The following DCX variants were observed in gnomAD, a reference collection of about 807,000 sequenced individuals.
The protein encoded by DCX is neuronal migration protein doublecortin.
In DCX, 4 loss-of-function variants were observed where a neutral mutation model predicts 20.9. The observed-to-expected ratio is 0.19, with a 90% CI of 0.09 to 0.44. The LOEUF is 0.44. Among genes scored for constraint, DCX ranks in the 20% least tolerant of loss-of-function variants. DCX has a pLI of 0.99. For synonymous variants in DCX, 103 were observed against 111.4 expected (o/e 0.92, Z 0.47); for missense variants, 133 against 296.9 (o/e 0.45, Z 4.06).
intron 3 of DCX, among the ~76,000 whole-genome samples, chrX:111,391,298 C>G (rs1238542097): frequency 9.0e-6 from 1 of 111,217 alleles, no homozygotes; most frequent in Admixed American, 9.6e-5. Context: ...TCCTCTTCAC[C>G]TTCTGTCATG....
intron 2 of DCX, among the ~76,000 whole-genome samples, chrX:111,401,839 G>T (rs1327494414): frequency 8.9e-6 from 1 of 112,243 alleles, no homozygotes. Context: ...AAGTAACCTT[G>T]TATATCAGGC....
intron 3 of DCX, among the ~76,000 whole-genome samples, chrX:111,397,347 C>T (rs765898587): frequency 1.7e-4 from 19 of 111,680 alleles, no homozygotes; most frequent in Admixed American, 1.6e-3. Flanking sequence ...CCTTGTGTCA[C>T]GTATAGCCAA....
chrX:111,369,111 G>A (rs1376714692), intron 3 of DCX, among the ~76,000 whole-genome samples: 2 of 110,714 alleles, frequency 1.8e-5, no homozygotes, highest in Non-Finnish European at 3.8e-5. Context: ...GGCTAGGCCA[G>A]TCTCGTCTTT....
At chrX:111,303,227 A>C (rs1039175987) in intron 6 of DCX, among the ~76,000 whole-genome samples, 3 of 109,271 alleles carry the variant, frequency 2.7e-5, no homozygotes, top group African/African-American at 1.0e-4. Flanking sequence ...AGCTGGGATT[A>C]CAGGCGCCCA....
chrX:111,301,816 T>A, intron 6 of DCX, 73 bp from the exon 7 acceptor site: 4 of 959,419 alleles, frequency 4.2e-6, no homozygotes, highest in South Asian at 4.1e-5. Flanking sequence ...CTGCTTTAGT[T>A]TTTTTTATTA....
chrX:111,368,901 T>TATATATACACACACACACAC (rs1467693516), intron 3 of DCX, among the ~76,000 whole-genome samples: 1 of 98,265 alleles, frequency 1.0e-5, no homozygotes, highest in African/African-American at 3.8e-5. Context: ...TATATATACA[T>TATATATACACACACACACAC]ACACACACAC....
At chrX:111,328,177 G>A (rs2095103949) in intron 5 of DCX, among the ~76,000 whole-genome samples, 1 of 111,785 alleles carries the variant, frequency 8.9e-6, no homozygotes, top group African/African-American at 3.2e-5. Flanking sequence ...TGTTTATCGT[G>A]TGGGTTGGAA....
intron 3 of DCX, among the ~76,000 whole-genome samples, chrX:111,397,756 CAT>C (rs1491335666): frequency 1.8e-5 from 2 of 109,977 alleles, no homozygotes; most frequent in African/African-American, 3.3e-5. Flanking sequence ...GCACTCTGTG[CAT>C]GTGTGTGTGT....
intron 3 of DCX, among the ~76,000 whole-genome samples, chrX:111,389,911 T>C (rs1274307833): frequency 3.6e-5 from 4 of 111,740 alleles, no homozygotes; most frequent in Non-Finnish European, 7.5e-5. Context: ...CTTTGAATTA[T>C]AATTATGAGT....
chrX:111,394,977 T>C (rs1286320076), intron 3 of DCX, among the ~76,000 whole-genome samples: 1 of 112,255 alleles, frequency 8.9e-6, no homozygotes, highest in Non-Finnish European at 1.9e-5. Flanking sequence ...AAGAAAGATC[T>C]GAATATAAGA....
intron 3 of DCX, among the ~76,000 whole-genome samples, chrX:111,344,943 T>C (rs1043207299): frequency 6.2e-5 from 7 of 112,172 alleles, no homozygotes; most frequent in African/African-American, 2.3e-4. Flanking sequence ...AAGACAATCT[T>C]AAGCAAAAGA....
At chrX:111,410,009 C>T (rs1196442215) in intron 2 of DCX, 26 bp downstream of exon 2, 45 of 1,208,870 alleles carry the variant, frequency 3.7e-5, no homozygotes, top group Non-Finnish European at 4.4e-5. Context: ...CTCCCACCAA[C>T]GGCCACCACC....
At chrX:111,311,239 A>G (rs941821433) in intron 6 of DCX, among the ~76,000 whole-genome samples, 2 of 112,475 alleles carry the variant, frequency 1.8e-5, no homozygotes, top group Admixed American at 9.4e-5. Flanking sequence ...CTTCTTTGGT[A>G]AAATGAAATA....
intron 3 of DCX, among the ~76,000 whole-genome samples, chrX:111,382,395 A>T (rs1926042019): frequency 8.9e-6 from 1 of 112,139 alleles, no homozygotes; most frequent in Non-Finnish European, 1.9e-5. Context: ...AGTGATTCTG[A>T]TGCACAGCCA....
chrX:111,318,824 C>A (rs1200190301), intron 5 of DCX, among the ~76,000 whole-genome samples: 2 of 110,880 alleles, frequency 1.8e-5, no homozygotes, highest in Non-Finnish European at 3.8e-5. Context: ...GGGAGAGGAT[C>A]AGAAAAGCTA....
chrX:111,394,996 A>G (rs1471223366), intron 3 of DCX, among the ~76,000 whole-genome samples: 1 of 112,207 alleles, frequency 8.9e-6, no homozygotes, highest in Non-Finnish European at 1.9e-5. Context: ...GAATTATGCA[A>G]ATACCTTTTA....
chrX:111,396,705 C>T (rs1004410283), intron 3 of DCX, among the ~76,000 whole-genome samples: 4 of 111,794 alleles, frequency 3.6e-5, no homozygotes, highest in African/African-American at 1.3e-4. Flanking sequence ...TGTCAACACT[C>T]CACAACCACT....
chrX:111,318,781 A>G (rs1247576347), intron 5 of DCX, among the ~76,000 whole-genome samples: 1 of 110,888 alleles, frequency 9.0e-6, no homozygotes, highest in Non-Finnish European at 1.9e-5. Context: ...ACAACAGTCA[A>G]TGGGGCCTAA....
intron 3 of DCX, among the ~76,000 whole-genome samples, chrX:111,393,628 C>T (rs1242452515): frequency 9.0e-6 from 1 of 111,547 alleles, no homozygotes; most frequent in Non-Finnish European, 1.9e-5. Flanking sequence ...ACTCTTACAA[C>T]TCATTAATAA....
Sources: allele counts gnomAD v4.1 joint callset (sites outside exome capture counted in the v4.1 genomes callset), GRCh38; gene constraint gnomAD v4.1.1; transcripts MANE v1.5; gene names NCBI Gene and HGNC (gene_info 2026-07-23, HGNC 2026-07-21).